RPN1: variants seen among roughly 807,000 people sequenced by gnomAD.
RPN1 encodes the protein dolichyl-diphosphooligosaccharide--protein glycosyltransferase subunit 1.
Under a neutral mutation model 55.5 loss-of-function variants are expected in RPN1, and 12 were observed. That is an observed-to-expected ratio of 0.22 (90% CI 0.14 to 0.35). The LOEUF (loss-of-function observed/expected upper bound fraction) is 0.35. Among genes scored for constraint, RPN1 ranks in the 10% least tolerant of loss-of-function variants. RPN1 has a pLI of 1.00. For synonymous variants in RPN1, 317 were observed against 305.9 expected (o/e 1.04, Z -0.38); for missense variants, 679 against 761.3 (o/e 0.89, Z 1.27).
At chr3:128,631,370 C>T (rs565520666) in intron 4 of RPN1, among the ~76,000 whole-genome samples, 16 of 151,218 alleles carry the variant, frequency 1.1e-4, no homozygotes, top group African/African-American at 2.9e-4. Context: ...CCCAGCTACT[C>T]GGGAGGCTGA....
intron 3 of RPN1, 67 bp from the exon 4 acceptor site, chr3:128,632,224 A>G (rs775053350): frequency 9.7e-5 from 140 of 1,445,274 alleles, no homozygotes; most frequent in Non-Finnish European, 1.3e-4. Flanking sequence ...TTTAAATCAG[A>G]TTGATTGGAG....
intron 2 of RPN1, among the ~76,000 whole-genome samples, chr3:128,644,262 G>A (rs919401042): frequency 2.0e-5 from 3 of 152,148 alleles, no homozygotes; most frequent in Non-Finnish European, 4.4e-5. Flanking sequence ...AACTGCCACT[G>A]CTTAGGGGAA....
intron 5 of RPN1, among the ~76,000 whole-genome samples, chr3:128,628,912 G>A (rs1241216346): frequency 6.6e-6 from 1 of 152,086 alleles, no homozygotes; most frequent in African/African-American, 2.4e-5. Flanking sequence ...AACCTAGGAG[G>A]CAGAGGTTGC....
chr3:128,647,033 T>C (rs1408562688), intron 1 of RPN1, among the ~76,000 whole-genome samples: 1 of 151,480 alleles, frequency 6.6e-6, no homozygotes, highest in African/African-American at 2.4e-5. Context: ...CAATGACCAC[T>C]GTTTGGGGTA....
At position 128,630,225 on chromosome 3, in the gene RPN1, A is replaced by C. The variant is rs753862780; in HGVS notation, c.844-82T>G. The C allele has an allele frequency of 5.6e-4, 495 of 886,164 alleles. 3 individuals are homozygous for C. Among genetic ancestry groups the C allele is most frequent in the Non-Finnish European group, 7.6e-4 (437 of 571,680 alleles). The allele number at this position is 886,164 out of a possible 1,614,324, so 54.9% of individuals were successfully genotyped here. A position where few individuals can be genotyped will look rare whatever the true frequency, so the allele number is the denominator to read the frequency against. On this transcript the variant is annotated intron_variant, in intron 4 of 9. Coordinates refer to ENST00000296255, the MANE Select transcript of RPN1 (RefSeq NM_002950.4). ...ATCCTAAACACAGAAGACTTCCTGCACCAAGATCCTCACATGGTACTACTT... is the reference window on the plus strand; with the variant it reads ...ATCCTAAACACAGAAGACTTCCTGCCCCAAGATCCTCACATGGTACTACTT...
chr3:128,629,654 A>T (rs2069627492), intron 5 of RPN1, among the ~76,000 whole-genome samples: 1 of 152,184 alleles, frequency 6.6e-6, no homozygotes, highest in South Asian at 2.1e-4. Flanking sequence ...TTATTCTCTG[A>T]ATTTTCATTT....
intron 3 of RPN1, among the ~76,000 whole-genome samples, chr3:128,634,405 A>G (rs1305696192): frequency 6.6e-6 from 1 of 152,114 alleles, no homozygotes; most frequent in African/African-American, 2.4e-5. Context: ...TGGCAAAGGT[A>G]TTACACAATA....
chr3:128,645,159 G>A (rs913232999), intron 1 of RPN1, among the ~76,000 whole-genome samples, 176 bp from the exon 2 acceptor site: 1 of 151,904 alleles, frequency 6.6e-6, no homozygotes, highest in African/African-American at 2.4e-5. Flanking sequence ...CAAGAATATT[G>A]TCAAAGACTT....
In RPN1 at chr3:128,638,965, CA is replaced by C. The variant is rs898786567; in HGVS notation, c.327-861del. On this transcript the variant is annotated intron_variant, in intron 2 of 9. Transcript: ENST00000296255. ...TGGGTGACAGAGAGAGACTCCATCTCAAAAAAAAAAATTTTAATAGAACCAC... is the reference window on the plus strand; with the variant it reads ...TGGGTGACAGAGAGAGACTCCATCTCAAAAAAAAAATTTTAATAGAACCAC... Among the ~76,000 whole-genome samples the C allele has an allele frequency of 1.2e-4, 17 of 143,234 alleles. No individual in the cohort carries two copies. The South Asian group carries it at 1.8e-3, about 15-fold the overall frequency. 94.0% of individuals were successfully genotyped at this position (143,234 alleles called of 152,430 possible).
At chr3:128,642,091 A>G (rs1028854250) in intron 2 of RPN1, among the ~76,000 whole-genome samples, 2 of 152,224 alleles carry the variant, frequency 1.3e-5, no homozygotes, top group African/African-American at 4.8e-5. Flanking sequence ...ACAAGCCAGC[A>G]GCTAGAGCCA....
rs761128742 is a variant in RPN1, at chr3:128,644,955, T to C, written c.290A>G (p.Asn97Ser). The C allele has an allele frequency of 3.2e-6, 5 of 1,578,886 alleles. No homozygotes were observed. In the South Asian group the frequency reaches 3.3e-5, roughly 10 times the overall value. Reference protein sequence around the residue: ...QVKGEDEEENNLEVRETKIKG... With the variant: ...QVKGEDEEENSLEVRETKIKG... Reference sequence around the variant, plus strand: ...AATTTTGGTTTCACGTACTTCCAAATTGTTCTCTTCCTCATCTTCTCCCTT... The same window carrying C: ...AATTTTGGTTTCACGTACTTCCAAACTGTTCTCTTCCTCATCTTCTCCCTT... The change falls in exon 2 of 10, where the codon AAT becomes AGT. Residue 97 changes from asparagine to serine, a missense_variant. Coordinates refer to ENST00000296255, the MANE Select transcript of RPN1 (RefSeq NM_002950.4).
At chr3:128,642,834 T>C (rs555856339) in intron 2 of RPN1, among the ~76,000 whole-genome samples, 115 of 150,098 alleles carry the variant, frequency 7.7e-4, no homozygotes, top group African/African-American at 2.7e-3. Context: ...CTGGCTAACA[T>C]GGTGAAACCC....
rs34781001 is a variant in RPN1, at chr3:128,620,588, G to A, written c.1647C>T (p.Ser549=). Reference sequence around the variant, plus strand: ...CCTGTGCATCCAGCTTCTGCATTTCGCTCACCTGGCCGAGGCAAGAGCAGG... The same window carrying A: ...CCTGTGCATCCAGCTTCTGCATTTCACTCACCTGGCCGAGGCAAGAGCAGG... ...TEGSDLCDRV[S]EMQKLDAQVK... is the part of the protein sequence containing the mutation. Residue 549 remains serine (S), a synonymous_variant, in exon 10 of 10, where the codon AGC becomes AGT. Coordinates refer to ENST00000296255, the MANE Select transcript of RPN1 (RefSeq NM_002950.4). The A allele has an allele frequency of 2.4e-3, 3,794 of 1,612,680 alleles. 74 individuals are homozygous for A. The African/African-American group carries it at 0.044, about 19-fold the overall frequency.
chr3:128,635,630 T>TATAG (rs2069673324), intron 3 of RPN1, among the ~76,000 whole-genome samples: 7 of 26,130 alleles, frequency 2.7e-4, no homozygotes, highest in East Asian at 2.0e-3. Context: ...TATATATATA[T>TATAG]ATATATATAG....
chr3:128,641,002 T>C (rs1364530377), intron 2 of RPN1: 1 of 152,168 alleles, frequency 6.6e-6, no homozygotes, highest in Non-Finnish European at 1.5e-5. Context: ...ACATCAAGTC[T>C]TACCAAAATG....
intron 2 of RPN1, among the ~76,000 whole-genome samples, chr3:128,644,192 T>C (rs1294347963): frequency 6.6e-6 from 1 of 152,190 alleles, no homozygotes; most frequent in Non-Finnish European, 1.5e-5. Context: ...TAAAGCTCTG[T>C]GGAACCAGGA....
chr3:128,644,806 C>A (rs1237301962), intron 2 of RPN1, 113 bp downstream of exon 2: 4 of 675,982 alleles, frequency 5.9e-6, no homozygotes, highest in Non-Finnish European at 1.1e-5. Context: ...AAAAAAAAAA[C>A]CCTGTAATAA....
intron 1 of RPN1, among the ~76,000 whole-genome samples, chr3:128,649,870 A>C (rs2069801045): frequency 6.6e-6 from 1 of 152,194 alleles, no homozygotes; most frequent in African/African-American, 2.4e-5. Flanking sequence ...AACTAACTTT[A>C]AAAAGAGTTT....
chr3:128,646,399 C>T (rs997118035), intron 1 of RPN1, among the ~76,000 whole-genome samples: 1 of 151,776 alleles, frequency 6.6e-6, no homozygotes, highest in Non-Finnish European at 1.5e-5. Flanking sequence ...AAAGTTAAAA[C>T]TGGGCAGGCA....
Sources: gnomAD v4.1 joint callset for allele counts (sites outside exome capture counted in the v4.1 genomes callset) on GRCh38, gnomAD v4.1.1 for gene constraint, MANE v1.5 for transcripts, NCBI Gene and HGNC (gene_info 2026-07-23, HGNC 2026-07-21) for gene names.